The following ART3 variants were observed in gnomAD, a reference collection of about 807,000 sequenced individuals.
ART3 encodes ADP-ribosyltransferase 3 (inactive).
A neutral mutation model predicts 48.5 loss-of-function variants in ART3; 49 were observed. That is an observed-to-expected ratio of 1.01 (90% CI 0.80 to 1.28). The LOEUF is 1.28. Ranked by LOEUF, ART3 falls within the 50% of genes most tolerant of loss-of-function variation. The pLI, the probability that ART3 is intolerant of heterozygous loss-of-function variation, is 0.00. For missense variants in ART3, 438 were observed against 454.3 expected (o/e 0.96, Z 0.33); for synonymous variants, 145 against 157.2 (o/e 0.92, Z 0.58).
intron 1 of ART3, chr4:76,034,984 C>A: frequency 2.0e-6 from 3 of 1,500,226 alleles, no homozygotes; most frequent in Non-Finnish European, 2.8e-6. Context: ...ACATTATTTT[C>A]TTTTTCAAAA....
chr4:76,051,586 C>T (rs1736092546), intron 1 of ART3, among the ~76,000 whole-genome samples: 1 of 152,184 alleles, frequency 6.6e-6, no homozygotes, highest in Non-Finnish European at 1.5e-5. Context: ...ATCGCCCAGG[C>T]TGGAGTGCAA....
upstream of ART3, among the ~76,000 whole-genome samples, chr4:76,074,021 G>A (rs553695210): frequency 7.2e-5 from 11 of 152,262 alleles, no homozygotes; most frequent in East Asian, 1.9e-4. Context: ...GTATGTATGC[G>A]TGAATTTCTT....
chr4:76,053,197 C>T (rs1736300818), intron 1 of ART3, among the ~76,000 whole-genome samples: 1 of 152,186 alleles, frequency 6.6e-6, no homozygotes, highest in Non-Finnish European at 1.5e-5. Flanking sequence ...ATGCTGATCA[C>T]GTACAGGTTA....
intron 1 of ART3, among the ~76,000 whole-genome samples, chr4:76,017,132 C>A (rs986796569): frequency 6.6e-6 from 1 of 152,096 alleles, no homozygotes; most frequent in African/African-American, 2.4e-5. Flanking sequence ...CTGCTTTTCT[C>A]AAGCAGAAGG....
At chr4:76,095,956 C>T (rs529027817) in intron 3 of ART3, among the ~76,000 whole-genome samples, 1 of 151,558 alleles carries the variant, frequency 6.6e-6, no homozygotes, top group Middle Eastern at 3.2e-3. Context: ...GAGTTTTGCT[C>T]TTGTCACCCA....
At chr4:76,084,827 G>T (rs1300058469) in intron 3 of ART3, among the ~76,000 whole-genome samples, 2 of 152,194 alleles carry the variant, frequency 1.3e-5, no homozygotes, top group Admixed American at 1.3e-4. Flanking sequence ...AATACTTGAG[G>T]AGAAGCCATA....
chr4:76,060,292 T>TG (rs1377221104), intron 1 of ART3, among the ~76,000 whole-genome samples: 1 of 152,110 alleles, frequency 6.6e-6, no homozygotes, highest in Admixed American at 6.6e-5. Flanking sequence ...ATAAGTACAT[T>TG]GGTAATATAT....
intron 1 of ART3, among the ~76,000 whole-genome samples, chr4:76,015,777 C>T (rs955746279): frequency 7.9e-5 from 12 of 152,096 alleles, no homozygotes; most frequent in East Asian, 1.9e-4. Context: ...CATAGGCATG[C>T]GCCACCATGC....
At chr4:76,016,762 C>T (rs77017165) in intron 1 of ART3, among the ~76,000 whole-genome samples, 1,638 of 152,286 alleles carry the variant, frequency 0.011, 29 homozygotes, top group African/African-American at 0.038. Flanking sequence ...TATTCTGTTG[C>T]GGCTAAGCTG....
intron 1 of ART3, among the ~76,000 whole-genome samples, chr4:76,051,228 A>G (rs1164686711): frequency 6.6e-6 from 1 of 151,218 alleles, no homozygotes. Flanking sequence ...TCAAAAGTAC[A>G]GTAGTATAGT....
intron 3 of ART3, among the ~76,000 whole-genome samples, chr4:76,087,565 G>GT (rs1723883519): frequency 6.6e-6 from 1 of 152,142 alleles, no homozygotes; most frequent in East Asian, 1.9e-4. Flanking sequence ...TCTAAAAGGG[G>GT]TAAAAAAAAT....
intron 3 of ART3, 58 bp from the exon 4 acceptor site, chr4:76,097,586 G>T: frequency 7.1e-7 from 1 of 1,403,532 alleles, no homozygotes; most frequent in Non-Finnish European, 1.0e-6. Context: ...TAGATTAATT[G>T]AAATATTTAC....
intron 1 of ART3, among the ~76,000 whole-genome samples, chr4:76,017,223 C>T (rs567780950): frequency 3.3e-5 from 5 of 151,344 alleles, no homozygotes; most frequent in African/African-American, 1.2e-4. Context: ...ACCCAAGGCC[C>T]ACTGTGTACT....
chr4:76,099,833 A>G (rs1277227421), intron 5 of ART3, among the ~76,000 whole-genome samples: 6 of 152,256 alleles, frequency 3.9e-5, no homozygotes, highest in African/African-American at 1.4e-4. Context: ...TCTTTGTTGA[A>G]AAGAGAAGAG....
chr4:76,053,988 A>G (rs914376376), intron 1 of ART3, among the ~76,000 whole-genome samples: 3 of 152,218 alleles, frequency 2.0e-5, no homozygotes, highest in African/African-American at 7.2e-5. Context: ...TCAAGTTGGG[A>G]AACAACATGC....
Position 76,082,023 on chromosome 4 carries a change from T to C in ART3, c.269T>C (p.Phe90Ser), listed in dbSNP as rs1722596168. The change falls in exon 3 of 12, where the codon TTT becomes TCT. Residue 90 changes from phenylalanine (F) to serine (S), a missense_variant. Coordinates refer to ENST00000355810, the MANE Select transcript of ART3 (RefSeq NM_001130016.3). ...RKTQIFLPMN[F>S]KDNHGIALMA... ...ACTCAAATCTTTCTCCCTATGAATT[T>C]TAAGGATAACCATGGAATAGCCCTG... The C allele has an allele frequency of 6.2e-7, 1 of 1,614,088 alleles. No individual in the cohort carries two copies. Among genetic ancestry groups the C allele is most frequent in the East Asian group, 2.2e-5 (1 of 44,900 alleles).
chr4:76,022,728 T>A (rs774798493), intron 1 of ART3: 1 of 1,613,874 alleles, frequency 6.2e-7, no homozygotes, highest in Non-Finnish European at 8.5e-7. Context: ...CTTGCAGGAA[T>A]AATTTCAAGT....
intron 1 of ART3, among the ~76,000 whole-genome samples, chr4:76,059,372 C>T (rs76820907): frequency 0.084 from 7,652 of 91,112 alleles, 251 homozygotes; most frequent in East Asian, 0.21. Flanking sequence ...GTTTTTTTTT[C>T]TTTTTTTTTT....
At chr4:76,111,655 G>C (rs1160715358) in intron 11 of ART3, among the ~76,000 whole-genome samples, 2 of 152,090 alleles carry the variant, frequency 1.3e-5, no homozygotes, top group East Asian at 3.9e-4. Context: ...CCATTCTCCT[G>C]CCTCAGCCTC....
Sources: gnomAD v4.1 joint callset for allele counts (sites outside exome capture counted in the v4.1 genomes callset) on GRCh38, gnomAD v4.1.1 for gene constraint, MANE v1.5 for transcripts, NCBI Gene and HGNC (gene_info 2026-07-23, HGNC 2026-07-21) for gene names.